THRB: variants seen among roughly 807,000 people sequenced by gnomAD.
The protein encoded by THRB is nuclear receptor subfamily 1 group A member 2.
Under a neutral mutation model 47.8 loss-of-function variants are expected in THRB, and 12 were observed. That is an observed-to-expected ratio of 0.25 (90% CI 0.16 to 0.41). The LOEUF (loss-of-function observed/expected upper bound fraction) is 0.41. Ranked by LOEUF, THRB falls within the 10% of genes least tolerant of loss-of-function variation. The pLI is 1.00. For missense variants in THRB, 348 were observed against 589.2 expected, an observed-to-expected ratio of 0.59 and a Z score of 4.24; for synonymous variants, 218 against 212.2, an observed-to-expected ratio of 1.03 and a Z score of -0.24.
At chr3:24,161,342 T>C (rs765817251) in intron 5 of THRB, among the ~76,000 whole-genome samples, 1 of 152,172 alleles carries the variant, frequency 6.6e-6, no homozygotes, top group Non-Finnish European at 1.5e-5. Flanking sequence ...AAAGAGATTA[T>C]TTATTTAGTA....
intron 2 of THRB, among the ~76,000 whole-genome samples, chr3:24,332,787 T>C (rs530551617): frequency 1.4e-4 from 21 of 152,320 alleles, no homozygotes; most frequent in African/African-American, 4.8e-4. Flanking sequence ...CTGGGCGCAG[T>C]GGCTCACGCC....
In THRB at chr3:24,427,419, G is replaced by T. The variant is rs1336067036; in HGVS notation, c.-261+67233C>A. Among the ~76,000 whole-genome samples, 77 of 152,088 alleles carry T rather than the reference G, an allele frequency of 5.1e-4. No homozygotes were observed. In the East Asian group the frequency reaches 0.011, roughly 22 times the overall value. Reference sequence around the variant, plus strand: ...CACTGAAGTTGGATCTGTGACTGAGGTAAACCTCTCCCTTCCAGCTAGTAA... The same window carrying T: ...CACTGAAGTTGGATCTGTGACTGAGTTAAACCTCTCCCTTCCAGCTAGTAA... On this transcript the variant is annotated intron_variant, in intron 1 of 10. Transcript: ENST00000646209.
At chr3:24,424,708 A>T (rs928059407) in intron 1 of THRB, among the ~76,000 whole-genome samples, 1 of 151,936 alleles carries the variant, frequency 6.6e-6, no homozygotes, top group East Asian at 1.9e-4. Flanking sequence ...CTTGTTTTTT[A>T]AAAAATTGTA....
intron 5 of THRB, among the ~76,000 whole-genome samples, chr3:24,182,158 G>A (rs923164882): frequency 2.6e-5 from 4 of 152,044 alleles, no homozygotes; most frequent in Non-Finnish European, 4.4e-5. Context: ...CCGAGATTGC[G>A]CCACTGCACT....
At position 24,118,032 on chromosome 3, in the gene THRB, C is replaced by A. The variant is rs907659045; in HGVS notation, c.*4852G>T. On this transcript the variant is annotated 3_prime_UTR_variant, in exon 11 of 11. Transcript: ENST00000646209. ...CCCCCATCAGCATTTTACTTAGTTTCTTCTCTCCCTCCATAGTTTCTTCTC... is the reference window on the plus strand; with the variant it reads ...CCCCCATCAGCATTTTACTTAGTTTATTCTCTCCCTCCATAGTTTCTTCTC... 2 of 152,176 alleles carry A rather than the reference C, an allele frequency of 1.3e-5. No individual in the cohort carries two copies. Among genetic ancestry groups the A allele is most frequent in the African/African-American group, 4.8e-5 (2 of 41,422 alleles). The allele number at this position is 152,176 out of a possible 1,614,324, so 9.4% of individuals were successfully genotyped here.
intron 1 of THRB, among the ~76,000 whole-genome samples, chr3:24,365,416 G>C (rs2064389311): frequency 6.6e-6 from 1 of 152,150 alleles, no homozygotes; most frequent in African/African-American, 2.4e-5. Context: ...ATAAACTAAA[G>C]CTTTTCAACA....
chr3:24,482,538 C>CCTCTCTCTCTCTCTCTCTCTCT (rs10575358), intron 1 of THRB, among the ~76,000 whole-genome samples: 15 of 130,984 alleles, frequency 1.1e-4, no homozygotes, highest in African/African-American at 3.6e-4. Context: ...TTTCTGTCTC[C>CCTCTCTCTCTCTCTCTCTCTCT]CTCTCTCTCT....
chr3:24,350,877 T>C (rs2063319921), intron 1 of THRB, among the ~76,000 whole-genome samples: 1 of 152,134 alleles, frequency 6.6e-6, no homozygotes, highest in Non-Finnish European at 1.5e-5. Context: ...TTAGCATTCA[T>C]AAGAATACAA....
At chr3:24,324,318 C>T (rs2058675689) in intron 2 of THRB, among the ~76,000 whole-genome samples, 1 of 152,136 alleles carries the variant, frequency 6.6e-6, no homozygotes, top group Admixed American at 6.5e-5. Flanking sequence ...TATCTTTCTC[C>T]TTCTCTTCTT....
chr3:24,399,239 A>G (rs1227603540), intron 1 of THRB, among the ~76,000 whole-genome samples: 1 of 152,070 alleles, frequency 6.6e-6, no homozygotes, highest in African/African-American at 2.4e-5. Context: ...AAAAAAAAAA[A>G]AAGAAAATGA....
At chr3:24,429,597 G>T (rs140970866) in intron 1 of THRB, among the ~76,000 whole-genome samples, 154 of 152,160 alleles carry the variant, frequency 1.0e-3, no homozygotes, top group African/African-American at 3.5e-3. Flanking sequence ...CAATTGAATG[G>T]TTGTAGATAG....
Position 24,280,227 on chromosome 3 carries a change from C to G in THRB, c.-43+16999G>C, listed in dbSNP as rs192959586. Among the ~76,000 whole-genome samples, 128 of 152,288 alleles carry G rather than the reference C, an allele frequency of 8.4e-4. 1 individual carries two copies. The highest frequency in any genetic ancestry group is 3.1e-3 in the African/African-American group (128 of 41,548). On this transcript the variant is annotated intron_variant, in intron 3 of 10. Transcript: ENST00000646209. ...AGAGAGCAGTGGTTCTCCCAGCACGCAGCTGGAGATCTGAGAATGGGCAGA... is the reference window on the plus strand; with the variant it reads ...AGAGAGCAGTGGTTCTCCCAGCACGGAGCTGGAGATCTGAGAATGGGCAGA...
chr3:24,370,145 C>T (rs1201924082), intron 1 of THRB, among the ~76,000 whole-genome samples: 2 of 152,104 alleles, frequency 1.3e-5, no homozygotes, highest in South Asian at 2.1e-4. Flanking sequence ...ACTGAGACTG[C>T]TTAGAACGGG....
chr3:24,383,767 G>T (rs951462264), intron 1 of THRB, among the ~76,000 whole-genome samples: 1 of 152,066 alleles, frequency 6.6e-6, no homozygotes, highest in Non-Finnish European at 1.5e-5. Flanking sequence ...CTCATTAAAG[G>T]TGTTAGAAAA....
intron 5 of THRB, among the ~76,000 whole-genome samples, chr3:24,159,294 C>A (rs576851048): frequency 4.0e-5 from 6 of 151,722 alleles, no homozygotes; most frequent in Non-Finnish European, 8.8e-5. Context: ...GCTCTCCCTG[C>A]AGGTGTATCC....
intron 3 of THRB, among the ~76,000 whole-genome samples, chr3:24,279,259 G>C (rs761359487): frequency 1.6e-4 from 24 of 152,202 alleles, no homozygotes; most frequent in Non-Finnish European, 2.5e-4. Context: ...TTGCCTGAGA[G>C]AAAAATAAAA....
chr3:24,231,132 T>A (rs953801842), intron 3 of THRB, among the ~76,000 whole-genome samples: 1 of 152,208 alleles, frequency 6.6e-6, no homozygotes, highest in Non-Finnish European at 1.5e-5. Context: ...CTTTTTACAA[T>A]AAGCTGGTTT....
intron 1 of THRB, among the ~76,000 whole-genome samples, chr3:24,386,895 G>A (rs1344382198): frequency 6.6e-6 from 1 of 152,110 alleles, no homozygotes; most frequent in African/African-American, 2.4e-5. Flanking sequence ...AACTAAATGA[G>A]TTAAAGCACA....
chr3:24,295,540 A>T (rs958898965), intron 3 of THRB, among the ~76,000 whole-genome samples: 3 of 152,226 alleles, frequency 2.0e-5, no homozygotes, highest in Admixed American at 1.3e-4. Context: ...TAAGTTTTCC[A>T]CTTAAGACAA....
Sources: allele counts gnomAD v4.1 joint callset (sites outside exome capture counted in the v4.1 genomes callset), GRCh38; gene constraint gnomAD v4.1.1; transcripts MANE v1.5; gene names NCBI Gene and HGNC (gene_info 2026-07-23, HGNC 2026-07-21).